Variants in DOC2B observed in about 807,000 individuals in gnomAD.
The protein encoded by DOC2B is double C2 domain beta, also known as double C2-like domain-containing protein beta.
In DOC2B, 21 loss-of-function variants were observed where a neutral mutation model predicts 28.9. The ratio of observed to expected loss-of-function variants is 0.73; its 90% CI spans 0.52 to 1.05. The LOEUF is 1.05. Among genes scored for constraint, DOC2B ranks in the 50% least tolerant of loss-of-function variants. DOC2B has a pLI of 0.00. For synonymous variants in DOC2B, 194 were observed against 178.1 expected, an observed-to-expected ratio of 1.09 and a Z score of -0.71; for missense variants, 384 against 421.1, an observed-to-expected ratio of 0.91 and a Z score of 0.77.
intron 3 of DOC2B, 139 bp from the exon 4 acceptor site, chr17:162,329 G>C (rs965005176): frequency 4.4e-6 from 3 of 681,004 alleles, no homozygotes; most frequent in African/African-American, 1.8e-5. Context: ...GCTGCAGGTG[G>C]ACTTAGGGTT....
chr17:154,878 C>T (rs769728100), intron 6 of DOC2B, among the ~76,000 whole-genome samples: 9 of 152,186 alleles, frequency 5.9e-5, no homozygotes, highest in East Asian at 1.9e-4. Flanking sequence ...TACAGGCGCC[C>T]GCCACCACAC....
rs1050313339 is a variant in DOC2B, at chr17:147,431, C to T, written c.*10G>A. ...CAGGTGGCGGCAGGGGTAGCAGTGGCGGGTGGGCGTCAGTCGCTGAGCACA... is the reference window on the plus strand; with the variant it reads ...CAGGTGGCGGCAGGGGTAGCAGTGGTGGGTGGGCGTCAGTCGCTGAGCACA... On this transcript the variant is annotated 3_prime_UTR_variant, in exon 9 of 9. Coordinates refer to ENST00000613549, the MANE Select transcript of DOC2B (RefSeq NM_003585.5). 3.5e-5 allele frequency: 14 copies of T among 398,698 alleles called. No individual in the cohort carries two copies. Among genetic ancestry groups the T allele is most frequent in the Middle Eastern group, 6.2e-4 (1 of 1,614 alleles). 24.7% of individuals were successfully genotyped at this position (398,698 alleles called of 1,614,324 possible).
In DOC2B at chr17:144,422, G is replaced by C. The variant is rs1437109269; in HGVS notation, c.*3019C>G. On this transcript the variant is annotated 3_prime_UTR_variant, in exon 9 of 9. Coordinates refer to ENST00000613549, the MANE Select transcript of DOC2B (RefSeq NM_003585.5). ...CTACAGGCGTGCGCCACCACACCCG[G>C]CTAATTTTTGTATTTTTAGTAGAGA... 1.3e-5 allele frequency: 2 copies of C among 152,132 alleles called. No homozygotes were observed. The highest frequency in any genetic ancestry group is 2.1e-4 in the South Asian group (1 of 4,832). The allele number at this position is 152,132 out of a possible 1,614,324, so 9.4% of individuals were successfully genotyped here. A position where few individuals can be genotyped will look rare whatever the true frequency, so the allele number is the denominator to read the frequency against.
Position 147,342 on chromosome 17 carries a change from C to T in DOC2B, c.*99G>A. ...GTCCAAGCAGGGGTTCTGGATCTCC[C>T]CCAGTGTGGGGGCCACAGGCCTTGG... On this transcript the variant is annotated 3_prime_UTR_variant, in exon 9 of 9. Coordinates refer to ENST00000613549, the MANE Select transcript of DOC2B (RefSeq NM_003585.5). The T allele has an allele frequency of 2.5e-6, 1 of 398,088 alleles. No individual in the cohort carries two copies. The highest frequency in any genetic ancestry group is 3.6e-5 in the East Asian group (1 of 28,044). 24.7% of individuals were successfully genotyped at this position (398,088 alleles called of 1,614,324 possible). A position where few individuals can be genotyped will look rare whatever the true frequency, so the allele number is the denominator to read the frequency against.
In DOC2B at chr17:147,236, C is replaced by T; in HGVS notation, c.*205G>A. ...TTGGGCCCCAGAGAGCTGAGAGCCCCCCACCCCAGCTCCTTGCCCTCCCCG... is the reference window on the plus strand; with the variant it reads ...TTGGGCCCCAGAGAGCTGAGAGCCCTCCACCCCAGCTCCTTGCCCTCCCCG... On this transcript the variant is annotated 3_prime_UTR_variant, in exon 9 of 9. Transcript: ENST00000613549. The T allele has an allele frequency of 5.1e-6, 2 of 393,552 alleles. No individual in the cohort carries two copies. The highest frequency in any genetic ancestry group is 9.0e-6 in the Non-Finnish European group (2 of 223,340). The allele number at this position is 393,552 out of a possible 1,614,324, so 24.4% of individuals were successfully genotyped here.
intron 7 of DOC2B, among the ~76,000 whole-genome samples, 155 bp downstream of exon 7, chr17:148,956 C>T (rs2040044288): frequency 6.6e-6 from 1 of 151,862 alleles, no homozygotes; most frequent in African/African-American, 2.4e-5. Context: ...TCCAGGGGTC[C>T]CCCAGCTCCC....
intron 8 of DOC2B, among the ~76,000 whole-genome samples, chr17:147,826 G>C (rs2040032270): frequency 6.6e-6 from 1 of 152,220 alleles, no homozygotes; most frequent in African/African-American, 2.4e-5. Flanking sequence ...CAAGGAATGG[G>C]GGCCTGAAGA....
chr17:151,244 TG>T (rs2040069145), intron 6 of DOC2B, among the ~76,000 whole-genome samples: 1 of 152,026 alleles, frequency 6.6e-6, no homozygotes, highest in Non-Finnish European at 1.5e-5. Context: ...CACTTTGGCC[TG>T]GACAACAGAG....
chr17:174,245 G>A (rs140796858), intron 1 of DOC2B, among the ~76,000 whole-genome samples: 5,399 of 152,270 alleles, frequency 0.035, 145 homozygotes, highest in Non-Finnish European at 0.056. Flanking sequence ...CAGTCTCCTC[G>A]GTTCAAATCC....
At chr17:175,130 C>A (rs1026184776) in intron 1 of DOC2B, among the ~76,000 whole-genome samples, 3 of 152,102 alleles carry the variant, frequency 2.0e-5, no homozygotes, top group Admixed American at 6.5e-5. Flanking sequence ...CCCAGCTACT[C>A]GGGAGGCTGA....
intron 5 of DOC2B, among the ~76,000 whole-genome samples, chr17:158,268 C>A (rs192931499): frequency 1.9e-4 from 29 of 152,218 alleles, no homozygotes; most frequent in African/African-American, 7.0e-4. Flanking sequence ...CCCTCAGCCC[C>A]CCCAGACAAA....
chr17:170,211 T>C (rs1335521945), intron 2 of DOC2B, among the ~76,000 whole-genome samples: 1 of 152,148 alleles, frequency 6.6e-6, no homozygotes, highest in Non-Finnish European at 1.5e-5. Context: ...TCAGTTCTGC[T>C]CCTAGGGGTG....
At position 161,375 on chromosome 17, in the gene DOC2B, C is replaced by T. The variant is rs111961316; in HGVS notation, c.765+40G>A. The T allele has an allele frequency of 6.5e-5, 101 of 1,545,974 alleles. No homozygotes were observed. In the African/African-American group the frequency reaches 9.4e-4, roughly 14 times the overall value. On this transcript the variant is annotated intron_variant, in intron 5 of 8. Transcript: ENST00000613549. ...GTTCTGCCTTCCCAGCACCTGCCAC[C>T]GAGCCAGGTACACAGCAGGTGCTCA...
rs375087009 is a variant in DOC2B at position 172,639 on chromosome 17, G to A, written c.374-23C>T. The A allele has an allele frequency of 4.4e-5, 67 of 1,539,128 alleles. 1 individual carries two copies. The African/African-American group carries it at 8.7e-4, about 20-fold the overall frequency. On this transcript the variant is annotated intron_variant, in intron 1 of 8. Transcript: ENST00000613549. ...CAGCTGCGGACAGAGGAGGGCACAG[G>A]TCCCACCCTGGCCGCATCTTGGAGA...
At chr17:162,380 T>C (rs1336211687) in intron 3 of DOC2B, among the ~76,000 whole-genome samples, 190 bp from the exon 4 acceptor site, 1 of 152,062 alleles carries the variant, frequency 6.6e-6, no homozygotes, top group Non-Finnish European at 1.5e-5. Context: ...TATCCTAGAT[T>C]GTTGGGTGGC....
At chr17:152,427 G>A (rs17055023) in intron 6 of DOC2B, among the ~76,000 whole-genome samples, 124,971 of 152,106 alleles carry the variant, frequency 0.82, 51,613 homozygotes, top group East Asian at 0.86. Flanking sequence ...GTCAACTTCC[G>A]GCCTGGGGAA....
chr17:160,189 T>C (rs1555523050), intron 5 of DOC2B, among the ~76,000 whole-genome samples: 1 of 152,162 alleles, frequency 6.6e-6, no homozygotes, highest in African/African-American at 2.4e-5. Flanking sequence ...TTCGCCATGT[T>C]GGCCAGGCTC....
chr17:162,335 G>C (rs918990822), intron 3 of DOC2B, 145 bp from the exon 4 acceptor site: 14 of 674,090 alleles, frequency 2.1e-5, no homozygotes, highest in Non-Finnish European at 3.7e-5. Context: ...GGTGGACTTA[G>C]GGTTGGTAAT....
Position 181,024 on chromosome 17 carries a change from C to G in DOC2B, c.373+83G>C, listed in dbSNP as rs994505691. On this transcript the variant is annotated intron_variant, in intron 1 of 8. Coordinates refer to ENST00000613549, the MANE Select transcript of DOC2B (RefSeq NM_003585.5). This position sits in a 1 kb window ranked among gnomAD's most constrained non-coding sequence, Gnocchi z 7.0. ...CAGAGCGCGAGCGCGCGAGGGGGACCGGCGGAGGGAAGCCGCGAGGCCGTG... is the reference window on the plus strand; with the variant it reads ...CAGAGCGCGAGCGCGCGAGGGGGACGGGCGGAGGGAAGCCGCGAGGCCGTG... The G allele has an allele frequency of 8.8e-7, 1 of 1,133,008 alleles. No homozygotes were observed. Among genetic ancestry groups the G allele is most frequent in the Admixed American group, 4.4e-5 (1 of 22,662 alleles). The allele number at this position is 1,133,008 out of a possible 1,614,324, so 70.2% of individuals were successfully genotyped here.
Sources: allele counts gnomAD v4.1 joint callset (sites outside exome capture counted in the v4.1 genomes callset), GRCh38; gene constraint gnomAD v4.1.1; non-coding constraint Gnocchi (gnomAD v3.1); transcripts MANE v1.5; gene names NCBI Gene and HGNC (gene_info 2026-07-23, HGNC 2026-07-21).